Variants in ROR1 observed in about 807,000 individuals in gnomAD.
ROR1 encodes ROR family WNT receptor 1.
A neutral mutation model predicts 78.8 loss-of-function variants in ROR1; 19 were observed. The ratio of observed to expected loss-of-function variants is 0.24; its 90% CI spans 0.17 to 0.35. ROR1 has a LOEUF of 0.35. Among genes scored for constraint, ROR1 ranks in the 10% least tolerant of loss-of-function variants. The pLI is 1.00. For synonymous variants in ROR1, 386 were observed against 433.6 expected, an observed-to-expected ratio of 0.89 and a Z score of 1.36; for missense variants, 917 against 1,177.8, an observed-to-expected ratio of 0.78 and a Z score of 3.24.
intron 1 of ROR1, among the ~76,000 whole-genome samples, chr1:63,927,614 G>A (rs996792221): frequency 1.3e-5 from 2 of 151,490 alleles, no homozygotes; most frequent in African/African-American, 4.9e-5. Context: ...CTGGGGGGAT[G>A]TTGATATCCT....
intron 2 of ROR1, among the ~76,000 whole-genome samples, chr1:64,039,347 A>G (rs1328507522): frequency 6.6e-6 from 1 of 152,180 alleles, no homozygotes. Context: ...ATGTGACTTT[A>G]GAATACTGAG....
chr1:63,960,918 A>C (rs1230150859), intron 1 of ROR1, among the ~76,000 whole-genome samples: 1 of 152,162 alleles, frequency 6.6e-6, no homozygotes, highest in Non-Finnish European at 1.5e-5. Flanking sequence ...GTCTGAAAAT[A>C]TTTTTTAAAT....
At chr1:63,990,570 T>C (rs1646287766) in intron 1 of ROR1, among the ~76,000 whole-genome samples, 1 of 152,222 alleles carries the variant, frequency 6.6e-6, no homozygotes, top group Admixed American at 6.5e-5. Context: ...TTTTCAGTTT[T>C]ATTATGAACC....
rs543120710 is a variant in ROR1, at chr1:64,138,379, T to G, written c.610+883T>G. On this transcript the variant is annotated intron_variant, in intron 5 of 8. Coordinates refer to ENST00000371079, the MANE Select transcript of ROR1 (RefSeq NM_005012.4). ...TAAATATTTATCTGAAATTAAAATGTAACCGTTGTCTTTTTCTTTATCTGG... is the reference window on the plus strand; with the variant it reads ...TAAATATTTATCTGAAATTAAAATGGAACCGTTGTCTTTTTCTTTATCTGG... Among the ~76,000 whole-genome samples, 6 of 152,282 alleles carry G rather than the reference T, an allele frequency of 3.9e-5. No homozygotes were observed. In the South Asian group the frequency reaches 1.2e-3, roughly 32 times the overall value.
At chr1:64,098,028 T>C (rs564174753) in intron 4 of ROR1, among the ~76,000 whole-genome samples, 2 of 135,062 alleles carry the variant, frequency 1.5e-5, no homozygotes, top group South Asian at 4.9e-4. Context: ...CACACTCCCC[T>C]ATATTTAACC....
At chr1:64,057,979 G>A (rs1267989203) in intron 4 of ROR1, among the ~76,000 whole-genome samples, 1 of 152,056 alleles carries the variant, frequency 6.6e-6, no homozygotes. Context: ...CATGAACATG[G>A]GATGTCTTTC....
chr1:64,139,141 T>C (rs1569840777), intron 5 of ROR1, among the ~76,000 whole-genome samples: 2 of 119,748 alleles, frequency 1.7e-5, no homozygotes, highest in South Asian at 5.4e-4. Context: ...CACTCCAGCC[T>C]GGGCGACAGA....
chr1:64,131,318 A>G (rs918294615), intron 4 of ROR1, among the ~76,000 whole-genome samples: 1 of 152,142 alleles, frequency 6.6e-6, no homozygotes, highest in African/African-American at 2.4e-5. Context: ...TGAGGCTGCC[A>G]TGCTGTGGGA....
chr1:63,818,350 A>G (rs145138152), intron 1 of ROR1, among the ~76,000 whole-genome samples: 76 of 152,354 alleles, frequency 5.0e-4, no homozygotes, highest in African/African-American at 1.8e-3. Flanking sequence ...TAGAATGAGC[A>G]TAGAAATGTA....
intron 2 of ROR1, among the ~76,000 whole-genome samples, chr1:64,047,339 A>G (rs139762791): frequency 3.2e-4 from 49 of 152,334 alleles, no homozygotes; most frequent in African/African-American, 1.2e-3. Flanking sequence ...AGTGCTTCCC[A>G]GATGTCACTC....
intron 1 of ROR1, among the ~76,000 whole-genome samples, chr1:63,940,465 GTAGA>G (rs1415142750): frequency 4.7e-5 from 7 of 148,528 alleles, no homozygotes; most frequent in Admixed American, 2.0e-4. Context: ...AGGTAAGTAC[GTAGA>G]TAGATAGATA....
At chr1:64,019,030 A>C (rs1476739609) in intron 2 of ROR1, among the ~76,000 whole-genome samples, 1 of 152,150 alleles carries the variant, frequency 6.6e-6, no homozygotes, top group African/African-American at 2.4e-5. Flanking sequence ...GGAATTTTAA[A>C]AATTACTAAT....
intron 1 of ROR1, among the ~76,000 whole-genome samples, chr1:63,910,323 C>T (rs1386670092): frequency 6.6e-6 from 1 of 152,068 alleles, no homozygotes; most frequent in Non-Finnish European, 1.5e-5. Flanking sequence ...AAGACAATGT[C>T]CTTGTTTGTA....
chr1:63,947,763 T>C (rs961715121), intron 1 of ROR1, among the ~76,000 whole-genome samples: 10 of 152,196 alleles, frequency 6.6e-5, no homozygotes, highest in African/African-American at 2.4e-4. Flanking sequence ...CAGTGGAGAA[T>C]ATGATCCCCA....
intron 1 of ROR1, among the ~76,000 whole-genome samples, chr1:63,971,571 A>G (rs1441094204): frequency 6.6e-6 from 1 of 152,184 alleles, no homozygotes; most frequent in Non-Finnish European, 1.5e-5. Context: ...ATATATATGT[A>G]TTACTCAGAA....
intron 2 of ROR1, among the ~76,000 whole-genome samples, chr1:64,023,774 T>C (rs1271588973): frequency 2.6e-5 from 4 of 152,206 alleles, no homozygotes; most frequent in African/African-American, 7.2e-5. Context: ...TTCTGTGTCA[T>C]TAAATATTTT....
intron 1 of ROR1, among the ~76,000 whole-genome samples, chr1:63,875,584 T>A (rs12072494): frequency 0.22 from 34,206 of 152,112 alleles, 4,717 homozygotes; most frequent in African/African-American, 0.38. Flanking sequence ...TTATAATCAC[T>A]GCTAAATTAA....
At chr1:64,053,690 G>A (rs1269317617) in intron 4 of ROR1, among the ~76,000 whole-genome samples, 1 of 152,108 alleles carries the variant, frequency 6.6e-6, no homozygotes, top group African/African-American at 2.4e-5. Context: ...ATAGAAAGTT[G>A]TGGTGTGTTT....
intron 1 of ROR1, among the ~76,000 whole-genome samples, chr1:63,808,517 G>C (rs1557506717): frequency 6.6e-6 from 1 of 152,194 alleles, no homozygotes; most frequent in Non-Finnish European, 1.5e-5. Flanking sequence ...TCTGTATTCT[G>C]ATCAATTCAG....
Sources: gnomAD v4.1 joint callset for allele counts (sites outside exome capture counted in the v4.1 genomes callset) on GRCh38, gnomAD v4.1.1 for gene constraint, MANE v1.5 for transcripts, NCBI Gene and HGNC (gene_info 2026-07-23, HGNC 2026-07-21) for gene names.